Variants in CPVL observed in about 807,000 individuals in gnomAD.
The protein encoded by CPVL is carboxypeptidase vitellogenic like.
Under a neutral mutation model 63.7 loss-of-function variants are expected in CPVL, and 51 were observed. The ratio of observed to expected loss-of-function variants is 0.80; its 90% CI spans 0.64 to 1.01. CPVL has a LOEUF of 1.01. Among genes scored for constraint, CPVL ranks in the 50% least tolerant of loss-of-function variants. The pLI is 0.00. For synonymous variants in CPVL, 195 were observed against 206.0 expected, an observed-to-expected ratio of 0.95 and a Z score of 0.46; for missense variants, 530 against 573.1, an observed-to-expected ratio of 0.92 and a Z score of 0.77.
intron 10 of CPVL, 55 bp from the exon 11 acceptor site, chr7:29,064,289 T>A (rs762916722): frequency 8.8e-7 from 1 of 1,132,376 alleles, no homozygotes; most frequent in Non-Finnish European, 1.3e-6. Flanking sequence ...GCAGGAACAG[T>A]ATGTTGGGAA....
upstream of CPVL, among the ~76,000 whole-genome samples, chr7:29,149,027 T>C (rs1215681798): frequency 6.6e-6 from 1 of 152,094 alleles, no homozygotes; most frequent in Non-Finnish European, 1.5e-5. Context: ...GCTGTGCTCT[T>C]GGACAGATGG....
intron 3 of CPVL, among the ~76,000 whole-genome samples, chr7:29,098,134 C>A (rs1258286298): frequency 6.6e-6 from 1 of 152,132 alleles, no homozygotes. Flanking sequence ...GCTATACAGA[C>A]AAATCAAGGT....
chr7:29,050,265 TC>T (rs929711384), intron 11 of CPVL, among the ~76,000 whole-genome samples: 37 of 152,162 alleles, frequency 2.4e-4, no homozygotes, highest in African/African-American at 8.4e-4. Context: ...TGAAGACCCC[TC>T]CAGAAAGCTC....
In CPVL at chr7:29,167,932, T is replaced by C. The variant is rs115350653; in HGVS notation, c.-11+13358A>G. 3.2e-3 allele frequency among the ~76,000 whole-genome samples: 483 copies of C among 152,314 alleles called. 2 individuals are homozygous for C. The highest frequency in any genetic ancestry group is 0.011 in the African/African-American group (462 of 41,562). On this transcript the variant is annotated intron_variant, in intron 5 of 16. Transcript: ENST00000409850. ...TTTCCTTCCCTCTGACAAGGAGGCC[T>C]ACAACATCGGAGGTAACTGTTGTGT...
intron 12 of CPVL, among the ~76,000 whole-genome samples, chr7:28,998,494 T>A (rs1784305904): frequency 6.6e-6 from 1 of 152,208 alleles, no homozygotes; most frequent in Non-Finnish European, 1.5e-5. Flanking sequence ...AGCCTCAGGT[T>A]CCTTTACTTT....
At chr7:29,181,857 C>T (rs1443748254) in intron 4 of CPVL, among the ~76,000 whole-genome samples, 3 of 151,896 alleles carry the variant, frequency 2.0e-5, no homozygotes, top group Non-Finnish European at 4.4e-5. Flanking sequence ...CTGCTAATTC[C>T]TAAGGGGGGG....
intron 1 of CPVL, chr7:29,145,829 C>CT (rs1326925333): frequency 6.6e-6 from 1 of 152,142 alleles, no homozygotes; most frequent in Admixed American, 6.5e-5. Flanking sequence ...TTCCAAAGTC[C>CT]TTTTGTTTCT....
chr7:29,095,000 T>A, intron 5 of CPVL, 84 bp downstream of exon 5: 1 of 961,996 alleles, frequency 1.0e-6, no homozygotes, highest in East Asian at 2.5e-5. Context: ...CGAAATCTAT[T>A]TTTTAAATGT....
chr7:28,995,516 G>T lies in CPVL; in HGVS notation c.*256C>A. 2.8e-6 allele frequency: 1 copy of T among 358,030 alleles called. No homozygotes were observed. The highest frequency in any genetic ancestry group is 4.3e-5 in the South Asian group (1 of 23,092). The allele number at this position is 358,030 out of a possible 1,614,324, so 22.2% of individuals were successfully genotyped here. Reference sequence around the variant, plus strand: ...CCCTAAAATTTCATTTATACATCTTGTCTCAGTGTCACATCATCCATACCT... The same window carrying T: ...CCCTAAAATTTCATTTATACATCTTTTCTCAGTGTCACATCATCCATACCT... On this transcript the variant is annotated 3_prime_UTR_variant, in exon 13 of 13. Transcript: ENST00000265394.
In CPVL at chr7:29,124,392, T is replaced by A. The variant is rs115331446; in HGVS notation, c.-10-3321A>T. Among the ~76,000 whole-genome samples the A allele has an allele frequency of 1.3e-3, 196 of 152,280 alleles. 1 individual carries two copies. Among genetic ancestry groups the A allele is most frequent in the African/African-American group, 4.6e-3 (191 of 41,578 alleles). ...AATTCAAACAAAATGTTCTTCTTAA[T>A]AAATGTTTAGAAACAGAATAAAATC... is the stretch of plus-strand genomic sequence containing the variant. On this transcript the variant is annotated intron_variant, in intron 1 of 12. Coordinates refer to ENST00000265394, the MANE Select transcript of CPVL (RefSeq NM_031311.5).
At chr7:29,162,922 A>G (rs886745215) in intron 5 of CPVL, among the ~76,000 whole-genome samples, 3 of 152,238 alleles carry the variant, frequency 2.0e-5, no homozygotes, top group Non-Finnish European at 4.4e-5. Context: ...TACATGTGAT[A>G]AAACGTTATA....
chr7:29,068,324 A>G (rs376033525), intron 9 of CPVL, among the ~76,000 whole-genome samples: 1 of 152,240 alleles, frequency 6.6e-6, no homozygotes, highest in East Asian at 1.9e-4. Context: ...CTGTATTCAT[A>G]TTCTTTTTCA....
chr7:29,103,061 C>A (rs1348699724), intron 3 of CPVL, among the ~76,000 whole-genome samples: 2 of 151,570 alleles, frequency 1.3e-5, no homozygotes, highest in East Asian at 1.9e-4. Context: ...TCCTTTCCAC[C>A]CTCATCTTCC....
intron 12 of CPVL, among the ~76,000 whole-genome samples, chr7:29,004,402 C>T (rs1019240430): frequency 7.2e-6 from 1 of 138,318 alleles, no homozygotes; most frequent in African/African-American, 2.5e-5. Context: ...GTGCTTTGAA[C>T]GTGTCTATTA....
At chr7:29,066,667 TG>T (rs1783165175) in intron 9 of CPVL, among the ~76,000 whole-genome samples, 1 of 152,148 alleles carries the variant, frequency 6.6e-6, no homozygotes, top group Admixed American at 6.5e-5. Context: ...TGCCTTAACA[TG>T]GATCATGAAC....
intron 7 of CPVL, among the ~76,000 whole-genome samples, chr7:29,081,685 ACTT>A (rs1192693026): frequency 1.3e-5 from 2 of 152,206 alleles, no homozygotes; most frequent in Non-Finnish European, 2.9e-5. Context: ...TTCTATTAAC[ACTT>A]CAGCTCTTGT....
At chr7:29,146,883 A>G (rs1260511800), upstream of CPVL, 1 of 1,551,246 alleles carries the variant, frequency 6.4e-7, no homozygotes, top group Non-Finnish European at 8.7e-7. Flanking sequence ...ACATTTGGAA[A>G]GCGAGTGGTG....
At chr7:29,146,552 A>G (rs944326629), upstream of CPVL, 1 of 1,530,188 alleles carries the variant, frequency 6.5e-7, no homozygotes, top group Non-Finnish European at 8.8e-7. Context: ...ACCCTGCAGA[A>G]CTCGAGCCTT....
chr7:29,019,628 C>T (rs1786757164), intron 12 of CPVL, among the ~76,000 whole-genome samples: 1 of 152,222 alleles, frequency 6.6e-6, no homozygotes, highest in Admixed American at 6.5e-5. Context: ...TTGGCAGACA[C>T]ATACCCATGC....
Sources: gnomAD v4.1 joint callset for allele counts (sites outside exome capture counted in the v4.1 genomes callset) on GRCh38, gnomAD v4.1.1 for gene constraint, MANE v1.5 for transcripts, NCBI Gene and HGNC (gene_info 2026-07-23, HGNC 2026-07-21) for gene names.